Variants in ARHGAP24 observed in about 807,000 individuals in gnomAD.
The protein encoded by ARHGAP24 is rho GTPase-activating protein 24.
A neutral mutation model predicts 76.4 loss-of-function variants in ARHGAP24; 50 were observed. That is an observed-to-expected ratio of 0.65 (90% confidence interval 0.52 to 0.83). The LOEUF is 0.83. ARHGAP24 is among the 40% of genes least tolerant of loss of function. The pLI is 0.00. For missense variants in ARHGAP24, 930 were observed against 914.2 expected (o/e 1.02, Z -0.22); for synonymous variants, 345 against 323.3 (o/e 1.07, Z -0.72).
At chr4:85,775,431 C>T (rs899449231) in intron 3 of ARHGAP24, among the ~76,000 whole-genome samples, 1 of 152,224 alleles carries the variant, frequency 6.6e-6, no homozygotes, top group Non-Finnish European at 1.5e-5. Flanking sequence ...AGGGAGGCCT[C>T]ACAATCATGA....
chr4:85,833,485 A>G (rs345367), intron 3 of ARHGAP24, among the ~76,000 whole-genome samples: 80,402 of 139,148 alleles, frequency 0.58, 23,385 homozygotes, highest in Non-Finnish European at 0.7. Flanking sequence ...TGACCTGGGG[A>G]AAAAAAAAAC....
At chr4:85,847,578 G>A (rs1407800344) in intron 3 of ARHGAP24, among the ~76,000 whole-genome samples, 1 of 152,122 alleles carries the variant, frequency 6.6e-6, no homozygotes, top group Non-Finnish European at 1.5e-5. Context: ...AGGAGCAAAG[G>A]CCTAAGGAAG....
At chr4:85,678,067 T>G (rs534361993) in intron 2 of ARHGAP24, among the ~76,000 whole-genome samples, 1 of 149,480 alleles carries the variant, frequency 6.7e-6, no homozygotes, top group South Asian at 2.1e-4. Flanking sequence ...AGGAAAAAAA[T>G]TTTAAAAAAA....
intron 2 of ARHGAP24, among the ~76,000 whole-genome samples, chr4:85,703,731 C>T (rs1364467619): frequency 6.6e-6 from 1 of 152,124 alleles, no homozygotes; most frequent in Non-Finnish European, 1.5e-5. Context: ...TTTTATAAGT[C>T]ATTCAGTCTG....
intron 3 of ARHGAP24, among the ~76,000 whole-genome samples, chr4:85,872,421 C>T (rs1286528083): frequency 1.3e-5 from 2 of 151,640 alleles, no homozygotes; most frequent in African/African-American, 2.4e-5. Flanking sequence ...CTCAGCCTCC[C>T]GAGTAACTGG....
chr4:85,579,266 A>G (rs1470483393), intron 2 of ARHGAP24, among the ~76,000 whole-genome samples: 1 of 152,238 alleles, frequency 6.6e-6, no homozygotes, highest in Non-Finnish European at 1.5e-5. Context: ...AATTCAATAT[A>G]TGGAACCAGG....
intron 3 of ARHGAP24, among the ~76,000 whole-genome samples, chr4:85,894,956 C>A (rs1486066584): frequency 3.2e-5 from 2 of 62,600 alleles, no homozygotes; most frequent in African/African-American, 7.2e-5. Flanking sequence ...ATGAGACTCC[C>A]TCTCAAAAAA....
chr4:85,580,201 G>A (rs1267681105), intron 2 of ARHGAP24, among the ~76,000 whole-genome samples: 3 of 151,714 alleles, frequency 2.0e-5, no homozygotes, highest in Non-Finnish European at 4.4e-5. Context: ...ACCATGAGCT[G>A]GATAATCTTT....
At chr4:85,769,409 C>G (rs1448733913) in intron 3 of ARHGAP24, among the ~76,000 whole-genome samples, 1 of 152,106 alleles carries the variant, frequency 6.6e-6, no homozygotes, top group Non-Finnish European at 1.5e-5. Context: ...AAAGAAGACA[C>G]ATTTATTGTG....
intron 3 of ARHGAP24, among the ~76,000 whole-genome samples, chr4:85,823,282 G>A (rs147477080): frequency 1.8e-3 from 269 of 151,950 alleles, no homozygotes; most frequent in Non-Finnish European, 2.8e-3. Context: ...TACAAAATTC[G>A]GATCATATTG....
chr4:85,719,794 A>G (rs776592113), intron 2 of ARHGAP24, among the ~76,000 whole-genome samples: 1 of 152,200 alleles, frequency 6.6e-6, no homozygotes, highest in African/African-American at 2.4e-5. Flanking sequence ...TAATCAATTC[A>G]TCTTACAAAT....
chr4:85,592,494 A>G (rs1302604511), intron 2 of ARHGAP24, among the ~76,000 whole-genome samples: 2 of 152,170 alleles, frequency 1.3e-5, no homozygotes, highest in Non-Finnish European at 2.9e-5. Context: ...CAATCTAATT[A>G]TACTCTTTTA....
intron 3 of ARHGAP24, among the ~76,000 whole-genome samples, chr4:85,759,452 T>C (rs1010497992): frequency 1.3e-5 from 2 of 152,132 alleles, no homozygotes; most frequent in Non-Finnish European, 2.9e-5. Flanking sequence ...ACCACCTTGA[T>C]TAGAGAAGGA....
chr4:85,662,833 T>G (rs1409803211), intron 2 of ARHGAP24, among the ~76,000 whole-genome samples: 1 of 152,184 alleles, frequency 6.6e-6, no homozygotes, highest in African/African-American at 2.4e-5. Flanking sequence ...GTTGTAGATA[T>G]GCGGCGTTAT....
intron 3 of ARHGAP24, among the ~76,000 whole-genome samples, chr4:85,865,491 A>G (rs1451671910): frequency 6.8e-6 from 1 of 147,566 alleles, no homozygotes; most frequent in East Asian, 1.9e-4. Context: ...AACAAATAAT[A>G]AATAATTTAA....
intron 1 of ARHGAP24, among the ~76,000 whole-genome samples, chr4:85,521,224 G>A (rs988133079): frequency 6.6e-6 from 1 of 152,068 alleles, no homozygotes; most frequent in Non-Finnish European, 1.5e-5. Flanking sequence ...CTGATAAGCA[G>A]CAATGCTATT....
chr4:85,876,353 T>G (rs982161277), intron 3 of ARHGAP24, among the ~76,000 whole-genome samples: 6 of 152,214 alleles, frequency 3.9e-5, no homozygotes, highest in Non-Finnish European at 7.3e-5. Flanking sequence ...CTTTAGTTTG[T>G]TGGAAGGAAA....
chr4:85,942,985 TTTAAC>T (rs1458902895), intron 5 of ARHGAP24, among the ~76,000 whole-genome samples: 3 of 152,176 alleles, frequency 2.0e-5, no homozygotes, highest in Non-Finnish European at 4.4e-5. Flanking sequence ...TCTAATATAT[TTTAAC>T]TTAACATTTT....
intron 2 of ARHGAP24, among the ~76,000 whole-genome samples, chr4:85,639,476 C>T (rs998116921): frequency 6.6e-6 from 1 of 152,038 alleles, no homozygotes; most frequent in Non-Finnish European, 1.5e-5. Context: ...TGTACCCTGT[C>T]CAGTGTTCGG....
Sources: allele counts gnomAD v4.1 joint callset (sites outside exome capture counted in the v4.1 genomes callset), GRCh38; gene constraint gnomAD v4.1.1; transcripts MANE v1.5; gene names NCBI Gene and HGNC (gene_info 2026-07-23, HGNC 2026-07-21).